Variants in CYP4F2 observed in about 807,000 individuals in gnomAD.
CYP4F2 encodes cytochrome P450 family 4 subfamily F member 2, also known as cytochrome P450 4F2.
A neutral mutation model predicts 58.9 loss-of-function variants in CYP4F2; 58 were observed. That is an observed-to-expected ratio of 0.98 (90% confidence interval 0.80 to 1.23). The LOEUF (loss-of-function observed/expected upper bound fraction) is 1.23. Ranked by LOEUF, CYP4F2 falls within the 50% of genes most tolerant of loss-of-function variation. CYP4F2 has a pLI of 0.00. For synonymous variants in CYP4F2, 287 were observed against 261.1 expected (o/e 1.10, Z -0.95); for missense variants, 616 against 685.6 (o/e 0.90, Z 1.13).
intron 9 of CYP4F2, 87 bp from the exon 10 acceptor site, chr19:15,879,984 C>A (rs2144999870): frequency 6.3e-7 from 1 of 1,576,234 alleles, no homozygotes; most frequent in South Asian, 1.2e-5. Flanking sequence ...GAGACCTTTT[C>A]TCCCCGCAAT....
At chr19:15,891,228 T>C (rs1486956490) in intron 5 of CYP4F2, among the ~76,000 whole-genome samples, 1 of 152,168 alleles carries the variant, frequency 6.6e-6, no homozygotes, top group Admixed American at 6.5e-5. Context: ...TTCCCTAAGC[T>C]TAAAGCTCCT....
chr19:15,887,857 C>T (rs528264202), intron 7 of CYP4F2, among the ~76,000 whole-genome samples: 2 of 151,900 alleles, frequency 1.3e-5, no homozygotes, highest in East Asian at 3.9e-4. Flanking sequence ...TAGACACAGA[C>T]ACACGCACAC....
chr19:15,892,486 C>T (rs772342427), intron 4 of CYP4F2, 43 bp downstream of exon 4: 6 of 1,613,982 alleles, frequency 3.7e-6, no homozygotes, highest in Admixed American at 3.3e-5. Context: ...CTCCCCTGGC[C>T]CCCCAACGTT....
In CYP4F2 at chr19:15,878,842, G is replaced by T. The variant is rs2089322569; in HGVS notation, c.1492C>A (p.Pro498Thr). 2 of 1,613,904 alleles carry T rather than the reference G, an allele frequency of 1.2e-6. No individual in the cohort carries two copies. The highest frequency in any genetic ancestry group is 1.7e-6 in the Non-Finnish European group (2 of 1,179,984). Reference protein sequence around the residue: ...RFRVLPDHTEPRRKPELVLRA... With the variant: ...RFRVLPDHTETRRKPELVLRA... The stretch of plus-strand genomic sequence containing the variant: ...AGGACCAGCTCCGGCTTCCTGCGGG[G>T]CTCGGTGTGGTCAGGCAGGACGCGG... Residue 498 changes from proline (P) to threonine (T), a missense_variant, in exon 13 of 13, where the codon CCC (proline) becomes ACC (threonine). Coordinates refer to ENST00000221700, the MANE Select transcript of CYP4F2 (RefSeq NM_001082.5).
chr19:15,880,880 C>T (rs984983015), intron 9 of CYP4F2, among the ~76,000 whole-genome samples: 2 of 152,166 alleles, frequency 1.3e-5, no homozygotes, highest in African/African-American at 2.4e-5. Context: ...TGCCATCAAA[C>T]TCAGCTAATA....
chr19:15,895,495 C>T lies in CYP4F2; in HGVS notation c.343+11G>A, dbSNP rs2089442116. ...CAAATGCACTGCCCCACCAGCTGTT[C>T]CAGATGGTACCTGAGGCGTTGATGA... On this transcript the variant is annotated intron_variant, in intron 3 of 12. Transcript: ENST00000221700. 1.0e-5 allele frequency: 15 copies of T among 1,496,956 alleles called. No individual in the cohort carries two copies. The highest frequency in any genetic ancestry group is 1.2e-5 in the Non-Finnish European group (14 of 1,131,180). The allele number at this position is 1,496,956 out of a possible 1,614,324, so 92.7% of individuals were successfully genotyped here. A position where few individuals can be genotyped will look rare whatever the true frequency, so the allele number is the denominator to read the frequency against.
rs1599346014 is a variant in CYP4F2 at position 15,879,051 on chromosome 19, G to A, written c.1398-115C>T. ...CACCTAGAGCAGTTTGAGGAATAGA[G>A]AAGGGGGTATCCGTGCCTGGATCCC... On this transcript the variant is annotated intron_variant, in intron 12 of 12. Transcript: ENST00000221700. 7 of 1,477,176 alleles carry A rather than the reference G, an allele frequency of 4.7e-6. No homozygotes were observed. The Admixed American group carries it at 6.7e-5, about 14-fold the overall frequency. 91.5% of individuals were successfully genotyped at this position (1,477,176 alleles called of 1,614,324 possible). A position where few individuals can be genotyped will look rare whatever the true frequency, so the allele number is the denominator to read the frequency against.
chr19:15,897,331 CTTCA>C, intron 2 of CYP4F2, 79 bp downstream of exon 2: 10 of 1,281,116 alleles, frequency 7.8e-6, no homozygotes, highest in African/African-American at 1.5e-5. Context: ...CAGCCCACCC[CTTCA>C]CCCCCACTCC....
intron 3 of CYP4F2, 29 bp from the exon 4 acceptor site, chr19:15,892,611 A>G: frequency 6.2e-7 from 1 of 1,607,880 alleles, no homozygotes; most frequent in South Asian, 1.1e-5. Flanking sequence ...ATCAGGGGCC[A>G]TGGAGGCAGG....
Position 15,885,981 on chromosome 19 carries a change from C to T in CYP4F2, c.1058G>A (p.Arg353His), listed in dbSNP as rs138250724. The change falls in exon 9 of 13, where the codon CGC becomes CAC. Residue 353 changes from arginine (R) to histidine (H), a missense_variant. By Grantham distance (29) the Arg-to-His change is conservative (BLOSUM62 0). Coordinates refer to ENST00000221700, the MANE Select transcript of CYP4F2 (RefSeq NM_001082.5). ...AAGTTCTTGCACCTCCTGCCGGCAG[C>T]GCTCCTGGTATTCTGGGTGCTTTGC... ...HLAKHPEYQE[R>H]CRQEVQELLK... 673 of 1,614,102 alleles carry T rather than the reference C, an allele frequency of 4.2e-4. No individual in the cohort carries two copies. Among genetic ancestry groups the T allele is most frequent in the Non-Finnish European group, 4.8e-4 (567 of 1,180,006 alleles).
Position 15,889,603 on chromosome 19 carries a change from C to T in CYP4F2, c.738G>A (p.Leu246=), listed in dbSNP as rs1210350611. ...GCTGCCCATCAGGGGTGAGATAATA[C>T]AGGAAGTCAATATGCAGGAGGATCT... is the stretch of plus-strand genomic sequence containing the variant. ...HHEILLHIDF[L]YYLTPDGQRF... Residue 246 remains leucine (L), a synonymous_variant, in exon 7 of 13, where the codon CTG becomes CTA. Coordinates refer to ENST00000221700, the MANE Select transcript of CYP4F2 (RefSeq NM_001082.5). 3 of 1,614,206 alleles carry T rather than the reference C, an allele frequency of 1.9e-6. No homozygotes were observed. The highest frequency in any genetic ancestry group is 1.1e-5 in the South Asian group (1 of 91,084).
chr19:15,886,331 C>CA (rs774441175), intron 7 of CYP4F2, 23 bp from the exon 8 acceptor site: 11 of 1,607,422 alleles, frequency 6.8e-6, no homozygotes, highest in South Asian at 3.3e-5. Flanking sequence ...CAGTAACCCC[C>CA]CCCAACCCCC....
chr19:15,885,529 C>T (rs1259852304), intron 9 of CYP4F2, among the ~76,000 whole-genome samples: 1 of 152,122 alleles, frequency 6.6e-6, no homozygotes, highest in Non-Finnish European at 1.5e-5. Flanking sequence ...CCCTAGGTCT[C>T]CCTTATAAAA....
intron 3 of CYP4F2, among the ~76,000 whole-genome samples, chr19:15,894,486 C>T (rs3093120): frequency 0.15 from 22,963 of 152,164 alleles, 1,846 homozygotes; most frequent in Non-Finnish European, 0.17. Context: ...ATAGGAAAAG[C>T]GACATGGAGA....
At chr19:15,897,361 C>G (rs2089453689) in intron 2 of CYP4F2, 53 bp downstream of exon 2, 4 of 1,575,254 alleles carry the variant, frequency 2.5e-6, no homozygotes, top group Non-Finnish European at 3.5e-6. Context: ...CCTCGTACCC[C>G]TCAGGAAGTC....
chr19:15,891,980 A>G (rs1470741332), intron 5 of CYP4F2, among the ~76,000 whole-genome samples: 1 of 152,186 alleles, frequency 6.6e-6, no homozygotes, highest in African/African-American at 2.4e-5. Flanking sequence ...GTTTAAACCA[A>G]TGAGTTTTCA....
chr19:15,896,989 C>T (rs1414138142), intron 2 of CYP4F2, among the ~76,000 whole-genome samples: 8 of 152,152 alleles, frequency 5.3e-5, no homozygotes, highest in South Asian at 4.1e-4. Flanking sequence ...AAGTGGGAGA[C>T]GGCCCATGCC....
chr19:15,881,390 AT>A (rs1336962322), intron 9 of CYP4F2, among the ~76,000 whole-genome samples: 1 of 152,216 alleles, frequency 6.6e-6, no homozygotes, highest in Non-Finnish European at 1.5e-5. Flanking sequence ...GTATATGAAT[AT>A]ATATTTATGA....
At chr19:15,886,457 T>G in intron 7 of CYP4F2, 149 bp from the exon 8 acceptor site, 1 of 998,814 alleles carries the variant, frequency 1.0e-6, no homozygotes, top group Non-Finnish European at 1.5e-6. Flanking sequence ...TAGACCCCTC[T>G]TGGTCACCAT....
Sources: allele counts gnomAD v4.1 joint callset (sites outside exome capture counted in the v4.1 genomes callset), GRCh38; gene constraint gnomAD v4.1.1; transcripts MANE v1.5; gene names NCBI Gene and HGNC (gene_info 2026-07-23, HGNC 2026-07-21).